VIPAS39: variants seen among roughly 807,000 people sequenced by gnomAD.
The protein encoded by VIPAS39 is spermatogenesis-defective protein 39 homolog.
VIPAS39 carries 63 observed loss-of-function variants against 84.7 expected under a neutral mutation model. The ratio of observed to expected loss-of-function variants is 0.74; its 90% confidence interval spans 0.61 to 0.92. The LOEUF (loss-of-function observed/expected upper bound fraction) is 0.92. VIPAS39 is among the 40% of genes least tolerant of loss of function. VIPAS39 has a pLI of 0.00. For missense variants in VIPAS39, 499 were observed against 604.5 expected (o/e 0.83, Z 1.83); for synonymous variants, 192 against 216.5 (o/e 0.89, Z 0.99).
At chr14:77,430,861 T>C (rs954725173) in intron 16 of VIPAS39, among the ~76,000 whole-genome samples, 2 of 151,908 alleles carry the variant, frequency 1.3e-5, no homozygotes, top group African/African-American at 4.8e-5. Flanking sequence ...TGGAATAGAA[T>C]AGAGAGCCTA....
chr14:77,440,563 T>C, intron 11 of VIPAS39: 1 of 157,030 alleles, frequency 6.4e-6, no homozygotes, highest in East Asian at 1.8e-4. Context: ...TTTTTTAAAA[T>C]TTATTCATAA....
intron 5 of VIPAS39, 131 bp from the exon 6 acceptor site, chr14:77,449,488 A>T: frequency 7.6e-7 from 1 of 1,309,552 alleles, no homozygotes; most frequent in Admixed American, 1.9e-5. Flanking sequence ...CCAAAAGCAG[A>T]TCTCCGTTCT....
chr14:77,455,372 C>G (rs1311156698), intron 1 of VIPAS39, among the ~76,000 whole-genome samples: 2 of 152,150 alleles, frequency 1.3e-5, no homozygotes, highest in African/African-American at 2.4e-5. Context: ...GTAGTCCCAG[C>G]TGCTTGGGAG....
Position 77,452,491 on chromosome 14 carries a change from C to T in VIPAS39, c.196+808G>A, listed in dbSNP as rs948282689. On this transcript the variant is annotated intron_variant, in intron 3 of 19. Coordinates refer to ENST00000557658, the MANE Select transcript of VIPAS39 (RefSeq NM_001193315.2). Reference sequence around the variant, plus strand: ...TCAATTAAAAATATTTCTTAAAAATCAGATGGGGACCAGGGATGGTGGCTC... The same window carrying T: ...TCAATTAAAAATATTTCTTAAAAATTAGATGGGGACCAGGGATGGTGGCTC... Among the ~76,000 whole-genome samples, 4 of 151,454 alleles carry T rather than the reference C, an allele frequency of 2.6e-5. No homozygotes were observed. The East Asian group carries it at 7.8e-4, about 29-fold the overall frequency.
At chr14:77,431,836 AACT>A (rs2078527923) in intron 16 of VIPAS39, among the ~76,000 whole-genome samples, 1 of 152,264 alleles carries the variant, frequency 6.6e-6, no homozygotes, top group South Asian at 2.1e-4. Context: ...CATGAAATGT[AACT>A]ATTATAAATT....
At chr14:77,438,195 G>A (rs1388844772) in intron 11 of VIPAS39, among the ~76,000 whole-genome samples, 1 of 151,628 alleles carries the variant, frequency 6.6e-6, no homozygotes, top group Non-Finnish European at 1.5e-5. Flanking sequence ...GTGACTAGGA[G>A]CTACTATATT....
chr14:77,449,805 T>A, intron 4 of VIPAS39, 53 bp from the exon 5 acceptor site: 1 of 1,607,500 alleles, frequency 6.2e-7, no homozygotes, highest in South Asian at 1.1e-5. Flanking sequence ...ATCAGAGCCA[T>A]CCAGGCTTGG....
At position 77,441,348 on chromosome 14, in the gene VIPAS39, T is replaced by C. The variant is rs141390068; in HGVS notation, c.735-255A>G. On this transcript the variant is annotated intron_variant, in intron 10 of 19. Transcript: ENST00000557658. ...CAGGGAGGCTCAGAGCCACCTACTC[T>C]AGCCCACAGAAAACTTGGTTGTTGT... Among the ~76,000 whole-genome samples, 131 of 148,764 alleles carry C rather than the reference T, an allele frequency of 8.8e-4. 1 individual carries two copies. The highest frequency in any genetic ancestry group is 3.1e-3 in the African/African-American group (126 of 40,982).
At chr14:77,457,222 A>G in intron 1 of VIPAS39, 1 of 1,524,054 alleles carries the variant, frequency 6.6e-7, no homozygotes, top group Non-Finnish European at 8.8e-7. Flanking sequence ...GAAGCCATGG[A>G]TCTACCGCAG....
At chr14:77,449,509 C>A in intron 5 of VIPAS39, 152 bp from the exon 6 acceptor site, 2 of 1,271,278 alleles carry the variant, frequency 1.6e-6, no homozygotes, top group Admixed American at 1.9e-5. Context: ...TCCCCAAAGA[C>A]AGCATCCCTA....
At chr14:77,450,215 G>A (rs2078860725) in intron 4 of VIPAS39, among the ~76,000 whole-genome samples, 1 of 152,192 alleles carries the variant, frequency 6.6e-6, no homozygotes, top group Non-Finnish European at 1.5e-5. Flanking sequence ...CGTAAATGGA[G>A]TCATACAATA....
At chr14:77,432,504 G>C (rs2078539065) in intron 16 of VIPAS39, among the ~76,000 whole-genome samples, 1 of 152,114 alleles carries the variant, frequency 6.6e-6, no homozygotes. Context: ...CAAGAGCCAA[G>C]ATATGGAAAC....
chr14:77,436,516 C>G (rs1466971398), intron 12 of VIPAS39, among the ~76,000 whole-genome samples: 1 of 152,214 alleles, frequency 6.6e-6, no homozygotes, highest in Non-Finnish European at 1.5e-5. Flanking sequence ...ATGATCTTGG[C>G]TCACTACAAC....
intron 3 of VIPAS39, 125 bp downstream of exon 3, chr14:77,453,174 C>G (rs1013986040): frequency 4.8e-5 from 49 of 1,019,162 alleles, no homozygotes; most frequent in Non-Finnish European, 7.3e-5. Flanking sequence ...CAGATGTATG[C>G]TTATCTGAAA....
chr14:77,436,002 A>G (rs2078605639), intron 12 of VIPAS39, 83 bp from the exon 13 acceptor site: 27 of 1,401,908 alleles, frequency 1.9e-5, no homozygotes, highest in Admixed American at 3.4e-5. Flanking sequence ...CAGCATAAGT[A>G]TAAGAGGCTC....
At chr14:77,457,267 A>C (rs946422967) in intron 1 of VIPAS39, 5 of 1,535,432 alleles carry the variant, frequency 3.3e-6, no homozygotes, top group Middle Eastern at 3.4e-4. Context: ...GCAGAGTTAA[A>C]TGCTCGTTCT....
rs988006454 is a variant in VIPAS39 at position 77,428,998 on chromosome 14, G to A, written c.1356+8C>T. The A allele has an allele frequency of 5.0e-6, 8 of 1,612,970 alleles. No individual in the cohort carries two copies. The highest frequency in any genetic ancestry group is 2.2e-5 in the East Asian group (1 of 44,876). On this transcript the variant is annotated splice_region_variant and intron_variant, in intron 18 of 19. Coordinates refer to ENST00000557658, the MANE Select transcript of VIPAS39 (RefSeq NM_001193315.2). ...CTAACGGAGGACTCCCATTTCTTGG[G>A]GACTCACATCAATGACGACATCATG...
In VIPAS39 at chr14:77,457,026, G is replaced by C. The variant is rs189484390; in HGVS notation, c.-1+469C>G. ...AGGGGAGAACAGGAACTTTACAAAG[G>C]AAAACAGAAGAATCAGCAAGAAAAC... is the stretch of plus-strand genomic sequence containing the variant. On this transcript the variant is annotated intron_variant, in intron 1 of 19. Coordinates refer to ENST00000557658, the MANE Select transcript of VIPAS39 (RefSeq NM_001193315.2). 3 of 1,299,004 alleles carry C rather than the reference G, an allele frequency of 2.3e-6. No homozygotes were observed. The East Asian group carries it at 9.8e-5, about 42-fold the overall frequency. 80.5% of individuals were successfully genotyped at this position (1,299,004 alleles called of 1,614,324 possible).
chr14:77,435,414 T>TTA (rs753810795), intron 13 of VIPAS39, 21 bp from the exon 14 acceptor site: 51 of 891,958 alleles, frequency 5.7e-5, no homozygotes, highest in African/African-American at 1.5e-4. Flanking sequence ...GTGAGCCAAG[T>TTA]GAAAAAAAAA....
Sources: allele counts gnomAD v4.1 joint callset (sites outside exome capture counted in the v4.1 genomes callset), GRCh38; gene constraint gnomAD v4.1.1; transcripts MANE v1.5; gene names NCBI Gene and HGNC (gene_info 2026-07-23, HGNC 2026-07-21).